Variants in SMOC1 observed in about 807,000 individuals in gnomAD.
SMOC1 encodes SPARC related modular calcium binding 1.
Under a neutral mutation model 56.3 loss-of-function variants are expected in SMOC1, and 22 were observed. The ratio of observed to expected loss-of-function variants is 0.39; its 90% confidence interval spans 0.28 to 0.56. The LOEUF is 0.56. SMOC1 is among the 20% of genes least tolerant of loss of function. The pLI, the probability that SMOC1 is intolerant of heterozygous loss-of-function variation, is 0.61. For missense variants in SMOC1, 509 were observed against 565.4 expected (o/e 0.90, Z 1.01); for synonymous variants, 193 against 215.0 (o/e 0.90, Z 0.89).
intron 3 of SMOC1, among the ~76,000 whole-genome samples, chr14:69,956,022 G>A: frequency 6.6e-6 from 1 of 152,182 alleles, no homozygotes; most frequent in East Asian, 1.9e-4. Flanking sequence ...TGGCTACCTC[G>A]TGACAGACAG....
At chr14:69,964,380 CT>C (rs57468516) in intron 3 of SMOC1, among the ~76,000 whole-genome samples, 12,865 of 138,988 alleles carry the variant, frequency 0.093, 619 homozygotes, top group Non-Finnish European at 0.11. Flanking sequence ...CTCTGGTATT[CT>C]TTTTTTTTTT....
intron 1 of SMOC1, among the ~76,000 whole-genome samples, chr14:69,896,842 G>T (rs555243511): frequency 6.6e-6 from 1 of 152,132 alleles, no homozygotes; most frequent in Non-Finnish European, 1.5e-5. Flanking sequence ...GTCTCTTTTC[G>T]TTTTTCCCTT....
chr14:69,962,765 C>T (rs780951756), intron 3 of SMOC1, among the ~76,000 whole-genome samples: 1 of 151,216 alleles, frequency 6.6e-6, no homozygotes, highest in Non-Finnish European at 1.5e-5. Context: ...TTTGTAGAGA[C>T]GATGTTTTGT....
At chr14:69,951,095 C>A (rs1462966249) in intron 1 of SMOC1, among the ~76,000 whole-genome samples, 3 of 152,170 alleles carry the variant, frequency 2.0e-5, no homozygotes, top group Non-Finnish European at 4.4e-5. Context: ...TCTCTGTCTG[C>A]ATGGTTTTGA....
intron 1 of SMOC1, among the ~76,000 whole-genome samples, chr14:69,886,754 A>T (rs973402079): frequency 6.6e-6 from 1 of 152,164 alleles, no homozygotes; most frequent in Admixed American, 6.5e-5. Flanking sequence ...TGTGCCCCTG[A>T]CAAGAATCCT....
intron 11 of SMOC1, among the ~76,000 whole-genome samples, chr14:70,026,400 G>A (rs1400328945): frequency 1.3e-5 from 2 of 152,156 alleles, no homozygotes; most frequent in African/African-American, 4.8e-5. Context: ...CGAGCTCAGG[G>A]ACTCCTCCTA....
chr14:69,960,775 A>C (rs1222922776), intron 3 of SMOC1, among the ~76,000 whole-genome samples: 1 of 151,184 alleles, frequency 6.6e-6, no homozygotes, highest in Non-Finnish European at 1.5e-5. Context: ...TGCTTAGCAG[A>C]TGTTAGTTTT....
chr14:70,021,933 C>A (rs150213133), intron 10 of SMOC1, among the ~76,000 whole-genome samples: 160 of 152,290 alleles, frequency 1.1e-3, no homozygotes, highest in African/African-American at 3.8e-3. Context: ...AGGCCTTCGA[C>A]CCTGATCTAG....
chr14:69,917,448 G>GAAAAC (rs1257031647), intron 1 of SMOC1, among the ~76,000 whole-genome samples: 1 of 152,246 alleles, frequency 6.6e-6, no homozygotes, highest in East Asian at 1.9e-4. Context: ...TGCATTAAAA[G>GAAAAC]AAAACAAAAC....
rs60098877 is a variant in SMOC1 at position 70,013,519 on chromosome 14, AG to A, written c.1046+30del. The stretch of plus-strand genomic sequence containing the variant: ...GAGATTGTGAGCAGGAATCAGGCCC[AG>A]GAGAAAAATGTGGGGCCCCTGACTT... On this transcript the variant is annotated intron_variant, in intron 10 of 11. Coordinates refer to ENST00000361956, the MANE Select transcript of SMOC1 (RefSeq NM_001034852.3). 8.1e-4 allele frequency: 1,302 copies of A among 1,607,874 alleles called. 27 individuals carry two copies. The East Asian group carries it at 0.023, about 28-fold the overall frequency.
At chr14:70,012,979 A>G (rs543653553) in intron 9 of SMOC1, among the ~76,000 whole-genome samples, 25 of 152,314 alleles carry the variant, frequency 1.6e-4, no homozygotes, top group Admixed American at 7.8e-4. Context: ...TTGTGCTCCC[A>G]CAGCCCCTAG....
In SMOC1 at chr14:69,986,689, G is replaced by A. The variant is rs189973620; in HGVS notation, c.527-5728G>A. On this transcript the variant is annotated intron_variant, in intron 5 of 11. Transcript: ENST00000361956. ...GCCCTGACCAGGCTCCTCTGCTGCC[G>A]GTGCTTCCTCTTCCTCTTCTGTCCC... Among the ~76,000 whole-genome samples, 19 of 152,202 alleles carry A rather than the reference G, an allele frequency of 1.2e-4. 1 individual carries two copies. In the South Asian group the frequency reaches 2.1e-3, roughly 17 times the overall value.
intron 3 of SMOC1, among the ~76,000 whole-genome samples, chr14:69,962,303 T>C (rs1406211718): frequency 6.6e-6 from 1 of 151,896 alleles, no homozygotes; most frequent in Non-Finnish European, 1.5e-5. Flanking sequence ...GCTGGGATTA[T>C]AAGCGCGTGC....
intron 1 of SMOC1, among the ~76,000 whole-genome samples, chr14:69,922,270 G>A (rs1430040330): frequency 1.3e-5 from 2 of 152,248 alleles, no homozygotes; most frequent in Admixed American, 6.5e-5. Context: ...ACAGTGCCTG[G>A]CATAAAGTCA....
At chr14:69,924,440 C>A (rs1237326423) in intron 1 of SMOC1, among the ~76,000 whole-genome samples, 1 of 152,144 alleles carries the variant, frequency 6.6e-6, no homozygotes, top group East Asian at 1.9e-4. Flanking sequence ...CTTCACACAG[C>A]AGCTGGGTTG....
At chr14:69,970,697 C>T (rs898943211) in intron 3 of SMOC1, among the ~76,000 whole-genome samples, 3 of 152,182 alleles carry the variant, frequency 2.0e-5, no homozygotes, top group African/African-American at 7.2e-5. Context: ...CCCCATTTCT[C>T]TCTTTGCTTT....
intron 1 of SMOC1, among the ~76,000 whole-genome samples, chr14:69,891,691 C>A (rs1883967232): frequency 2.6e-5 from 4 of 152,174 alleles, no homozygotes; most frequent in Admixed American, 2.6e-4. Flanking sequence ...CTCTGCTTGC[C>A]TGTCATCCTT....
At chr14:69,979,416 G>T (rs1594835594) in intron 5 of SMOC1, among the ~76,000 whole-genome samples, 1 of 152,334 alleles carries the variant, frequency 6.6e-6, no homozygotes, top group East Asian at 1.9e-4. Context: ...GGAAAGGGAA[G>T]TAAGTGCTTC....
intron 1 of SMOC1, among the ~76,000 whole-genome samples, chr14:69,919,643 G>A (rs982602648): frequency 6.6e-6 from 1 of 152,202 alleles, no homozygotes; most frequent in Non-Finnish European, 1.5e-5. Context: ...GCTTGGCCCA[G>A]TGGGACTCAG....
Sources: gnomAD v4.1 joint callset for allele counts (sites outside exome capture counted in the v4.1 genomes callset) on GRCh38, gnomAD v4.1.1 for gene constraint, MANE v1.5 for transcripts, NCBI Gene and HGNC (gene_info 2026-07-23, HGNC 2026-07-21) for gene names.